The following CFH variants were observed in gnomAD, a reference collection of about 807,000 sequenced individuals.
The protein encoded by CFH is complement factor H, also known as H factor 1 (complement).
A neutral mutation model predicts 147.3 loss-of-function variants in CFH; 53 were observed. The observed-to-expected ratio is 0.36, with a 90% CI of 0.29 to 0.45. The LOEUF (loss-of-function observed/expected upper bound fraction) is 0.45, where lower values mean the gene tolerates loss of function less well. Among genes scored for constraint, CFH ranks in the 20% least tolerant of loss-of-function variants. The probability of loss-of-function intolerance (pLI) is 1.00; values close to 1 mark genes in which losing one functional copy is unlikely to be tolerated. For synonymous variants in CFH, 536 were observed against 489.4 expected (o/e 1.10, Z -1.26); for missense variants, 1,380 against 1,498.0 (o/e 0.92, Z 1.30).
At chr1:196,730,859 T>C (rs1479232459) in intron 15 of CFH, among the ~76,000 whole-genome samples, 1 of 151,848 alleles carries the variant, frequency 6.6e-6, no homozygotes, top group Non-Finnish European at 1.5e-5. Context: ...TATACAATTT[T>C]TCCCTTGTCT....
At chr1:196,707,499 G>A (rs1376869043) in intron 9 of CFH, among the ~76,000 whole-genome samples, 4 of 152,258 alleles carry the variant, frequency 2.6e-5, no homozygotes, top group Non-Finnish European at 4.4e-5. Flanking sequence ...CTCAAGACCA[G>A]GAAAAGTCGA....
chr1:196,685,525 G>C (rs1041804654), intron 7 of CFH, among the ~76,000 whole-genome samples: 2 of 151,834 alleles, frequency 1.3e-5, no homozygotes, highest in Non-Finnish European at 2.9e-5. Flanking sequence ...TACTATATTA[G>C]TTATTTATTG....
intron 3 of CFH, 115 bp from the exon 4 acceptor site, chr1:196,675,874 C>T (rs1305686360): frequency 2.3e-5 from 15 of 658,016 alleles, no homozygotes; most frequent in Non-Finnish European, 4.1e-5. Context: ...CAAGAAAATG[C>T]ATATGCTGTT....
chr1:196,735,096 T>C (rs983250976), intron 15 of CFH, among the ~76,000 whole-genome samples: 5 of 152,040 alleles, frequency 3.3e-5, no homozygotes, highest in Non-Finnish European at 7.4e-5. Context: ...GTTACACACG[T>C]GTGTGTGTGT....
At chr1:196,654,576 T>G (rs943854635) in intron 1 of CFH, among the ~76,000 whole-genome samples, 5 of 152,168 alleles carry the variant, frequency 3.3e-5, no homozygotes, top group African/African-American at 1.2e-4. Context: ...ACCAAGGTTT[T>G]GAATATATTA....
chr1:196,668,122 T>C (rs1433331483), intron 1 of CFH, among the ~76,000 whole-genome samples: 1 of 152,128 alleles, frequency 6.6e-6, no homozygotes, highest in Admixed American at 6.5e-5. Context: ...TCAATAGCTT[T>C]TTTATTTACT....
intron 7 of CFH, among the ~76,000 whole-genome samples, chr1:196,688,933 T>C (rs1470623281): frequency 1.3e-5 from 2 of 151,958 alleles, no homozygotes; most frequent in East Asian, 3.9e-4. Flanking sequence ...CTAAAACAAA[T>C]AAAAACCTTA....
At chr1:196,692,013 T>A (rs1367023906) in intron 9 of CFH, among the ~76,000 whole-genome samples, 2 of 152,086 alleles carry the variant, frequency 1.3e-5, no homozygotes, top group African/African-American at 4.8e-5. Context: ...TATTTTTTAT[T>A]GTATATTTTG....
chr1:196,698,935 AAATGTAATG>A (rs1223680363), intron 9 of CFH, among the ~76,000 whole-genome samples: 1 of 152,180 alleles, frequency 6.6e-6, no homozygotes, highest in Non-Finnish European at 1.5e-5. Flanking sequence ...ACAAATCAAT[AAATGTAATG>A]ACAAAAAACA....
intron 15 of CFH, among the ~76,000 whole-genome samples, chr1:196,730,491 G>A (rs1669256797): frequency 6.6e-6 from 1 of 151,670 alleles, no homozygotes; most frequent in African/African-American, 2.4e-5. Flanking sequence ...TTGTTTTGTG[G>A]CCTAACATAT....
intron 9 of CFH, among the ~76,000 whole-genome samples, chr1:196,706,049 G>C (rs1887973): frequency 0.62 from 94,514 of 151,686 alleles, 29,977 homozygotes; most frequent in East Asian, 0.93. Flanking sequence ...TATGCACCAC[G>C]GACAACAGAA....
chr1:196,731,681 G>T (rs1669283658), intron 15 of CFH, among the ~76,000 whole-genome samples: 1 of 151,942 alleles, frequency 6.6e-6, no homozygotes, highest in South Asian at 2.1e-4. Context: ...AGGCAGGAAA[G>T]TGTCCTTATG....
rs761151851 is a variant in CFH, at chr1:196,726,465, T to C, written c.1874-5T>C. The C allele has an allele frequency of 1.2e-6, 2 of 1,602,590 alleles. No individual in the cohort carries two copies. The highest frequency in any genetic ancestry group is 1.3e-5 in the African/African-American group (1 of 74,788). On this transcript the variant is annotated splice_polypyrimidine_tract_variant and splice_region_variant and intron_variant, in intron 12 of 21. Coordinates refer to ENST00000367429, the MANE Select transcript of CFH (RefSeq NM_000186.4). ...ACCATTATTTACATAGTATTTCTAC[T>C]ATAGAGCAAGTACAATCATGTGGTC...
chr1:196,683,102 G>A (rs913661402), intron 6 of CFH, among the ~76,000 whole-genome samples: 1 of 151,290 alleles, frequency 6.6e-6, no homozygotes, highest in African/African-American at 2.4e-5. Context: ...AAAAAATTAA[G>A]TAAAGTACAA....
At chr1:196,745,048 T>C (rs1287468922) in intron 20 of CFH, among the ~76,000 whole-genome samples, 1 of 152,194 alleles carries the variant, frequency 6.6e-6, no homozygotes, top group South Asian at 2.1e-4. Flanking sequence ...ATTTGAATTG[T>C]TGATCCCCTC....
At chr1:196,687,979 A>G (rs570397290) in intron 7 of CFH, among the ~76,000 whole-genome samples, 231 of 152,114 alleles carry the variant, frequency 1.5e-3, no homozygotes, top group African/African-American at 5.3e-3. Flanking sequence ...CACATAATAA[A>G]TGTAGAAACT....
At chr1:196,674,545 A>G (rs1667391240) in intron 3 of CFH, among the ~76,000 whole-genome samples, 1 of 152,046 alleles carries the variant, frequency 6.6e-6, no homozygotes, top group South Asian at 2.1e-4. Flanking sequence ...CCTCAGTGTT[A>G]TTTTATCCCC....
chr1:196,719,144 G>A (rs1668939554), intron 11 of CFH, among the ~76,000 whole-genome samples: 1 of 151,920 alleles, frequency 6.6e-6, no homozygotes, highest in African/African-American at 2.4e-5. Flanking sequence ...TTGAGTTTTA[G>A]ATGAAGAAAA....
intron 1 of CFH, among the ~76,000 whole-genome samples, chr1:196,658,717 G>A (rs1251612107): frequency 6.6e-6 from 1 of 151,726 alleles, no homozygotes; most frequent in Non-Finnish European, 1.5e-5. Flanking sequence ...GAGCCACCGC[G>A]CCCGGCCTGC....
Sources: allele counts gnomAD v4.1 joint callset (sites outside exome capture counted in the v4.1 genomes callset), GRCh38; gene constraint gnomAD v4.1.1; transcripts MANE v1.5; gene names NCBI Gene and HGNC (gene_info 2026-07-23, HGNC 2026-07-21).